The following CTNNA3 variants were observed in gnomAD, a reference collection of about 807,000 sequenced individuals.
CTNNA3 encodes the protein catenin alpha 3.
Under a neutral mutation model 95.7 loss-of-function variants are expected in CTNNA3, and 76 were observed. The ratio of observed to expected loss-of-function variants is 0.79; its 90% CI spans 0.66 to 0.96. The LOEUF (loss-of-function observed/expected upper bound fraction) is 0.96. Among genes scored for constraint, CTNNA3 ranks in the 40% least tolerant of loss-of-function variants. The pLI is 0.00. For missense variants in CTNNA3, 1,191 were observed against 1,089.8 expected (o/e 1.09, Z -1.31); for synonymous variants, 431 against 374.4 (o/e 1.15, Z -1.74).
intron 7 of CTNNA3, among the ~76,000 whole-genome samples, chr10:67,030,528 G>A (rs1289746237): frequency 6.6e-6 from 1 of 151,662 alleles, no homozygotes; most frequent in Non-Finnish European, 1.5e-5. Context: ...ATACTGAAGT[G>A]CCCCAAAGGA....
intron 7 of CTNNA3, among the ~76,000 whole-genome samples, chr10:66,923,040 C>A (rs1225857998): frequency 6.6e-6 from 1 of 152,136 alleles, no homozygotes; most frequent in Non-Finnish European, 1.5e-5. Context: ...CTAGCCAATA[C>A]TAGGTCTTAT....
chr10:67,579,448 T>A (rs1237691827), intron 3 of CTNNA3, among the ~76,000 whole-genome samples: 1 of 152,136 alleles, frequency 6.6e-6, no homozygotes, highest in Admixed American at 6.6e-5. Context: ...TAATCCAGTC[T>A]ATCATTGTTG....
chr10:66,306,335 C>T (rs1455703710), intron 12 of CTNNA3, among the ~76,000 whole-genome samples: 1 of 152,176 alleles, frequency 6.6e-6, no homozygotes. Context: ...TAAGGTCCTT[C>T]CCTGTTCTGA....
chr10:65,988,388 C>G (rs1315212800), intron 16 of CTNNA3, among the ~76,000 whole-genome samples: 3 of 151,824 alleles, frequency 2.0e-5, no homozygotes, highest in Admixed American at 2.0e-4. Context: ...AATGTATCAA[C>G]AACAACAAAA....
chr10:67,703,717 A>G (rs967084535), intron 1 of CTNNA3, among the ~76,000 whole-genome samples: 4 of 152,224 alleles, frequency 2.6e-5, no homozygotes, highest in Non-Finnish European at 5.9e-5. Context: ...AACTGGCACA[A>G]GACAGGGATG....
Position 67,509,974 on chromosome 10 carries a change from G to A in CTNNA3, c.579+11868C>T, listed in dbSNP as rs544185401. On this transcript the variant is annotated intron_variant, in intron 5 of 17. Coordinates refer to ENST00000433211, the MANE Select transcript of CTNNA3 (RefSeq NM_013266.4). ...TGAGCATTTTTTCATGTGTCTGTTG[G>A]CTGCATAAATGTCTTCTTTTGAAAA... 4.6e-5 allele frequency among the ~76,000 whole-genome samples: 7 copies of A among 152,296 alleles called. No homozygotes were observed. In the East Asian group the frequency reaches 1.3e-3, roughly 29 times the overall value.
intron 7 of CTNNA3, among the ~76,000 whole-genome samples, chr10:67,106,661 A>C (rs964026191): frequency 1.3e-5 from 2 of 152,186 alleles, no homozygotes; most frequent in Non-Finnish European, 2.9e-5. Flanking sequence ...ATAGCTATTA[A>C]ATTGTGCAGC....
intron 10 of CTNNA3, among the ~76,000 whole-genome samples, chr10:66,619,504 T>C (rs1483396176): frequency 9.9e-6 from 1 of 101,024 alleles, no homozygotes. Context: ...CAGGTGGGAA[T>C]TGAACAATGA....
intron 5 of CTNNA3, among the ~76,000 whole-genome samples, chr10:67,316,508 T>C (rs1841056890): frequency 6.6e-6 from 1 of 152,112 alleles, no homozygotes; most frequent in Non-Finnish European, 1.5e-5. Flanking sequence ...TCAAAATACA[T>C]GGAAGGGATC....
chr10:66,425,502 C>A (rs1264338423), intron 11 of CTNNA3, among the ~76,000 whole-genome samples: 1 of 151,782 alleles, frequency 6.6e-6, no homozygotes, highest in Non-Finnish European at 1.5e-5. Flanking sequence ...TAATTTCTGA[C>A]AGAGATTAAA....
intron 13 of CTNNA3, among the ~76,000 whole-genome samples, chr10:66,273,929 G>A (rs1466144891): frequency 6.6e-6 from 1 of 152,066 alleles, no homozygotes; most frequent in Non-Finnish European, 1.5e-5. Flanking sequence ...AGTCATTCTA[G>A]GTGGTCGTGT....
At chr10:67,745,607 A>G (rs796681215) in intron 1 of CTNNA3, among the ~76,000 whole-genome samples, 10 of 152,064 alleles carry the variant, frequency 6.6e-5, no homozygotes, top group African/African-American at 2.4e-4. Flanking sequence ...ACATATATAC[A>G]TATGTAACAA....
chr10:65,979,140 T>C (rs2078268379), intron 16 of CTNNA3, among the ~76,000 whole-genome samples: 1 of 152,284 alleles, frequency 6.6e-6, no homozygotes, highest in South Asian at 2.1e-4. Flanking sequence ...AGGCTGAAAT[T>C]GTCTTGAGTT....
chr10:67,282,622 G>A (rs1904614), intron 5 of CTNNA3, among the ~76,000 whole-genome samples: 104,832 of 152,062 alleles, frequency 0.69, 37,667 homozygotes, highest in African/African-American at 0.91. Flanking sequence ...AGCAATAAAC[G>A]CAGTTTTACA....
chr10:66,324,454 G>T (rs576216504), intron 12 of CTNNA3, among the ~76,000 whole-genome samples: 6 of 152,268 alleles, frequency 3.9e-5, no homozygotes, highest in Admixed American at 2.0e-4. Flanking sequence ...TTGCAAAAAG[G>T]CAGAGAGTCC....
intron 11 of CTNNA3, among the ~76,000 whole-genome samples, chr10:66,434,207 A>G (rs1228302143): frequency 3.9e-5 from 6 of 151,978 alleles, no homozygotes; most frequent in Non-Finnish European, 8.8e-5. Context: ...TAATGGGAAT[A>G]GCATTGAATC....
At chr10:67,599,817 T>C (rs1228791232) in intron 3 of CTNNA3, among the ~76,000 whole-genome samples, 1 of 152,180 alleles carries the variant, frequency 6.6e-6, no homozygotes, top group Non-Finnish European at 1.5e-5. Context: ...AATTGATCCA[T>C]AGATCTAATC....
chr10:66,243,791 A>T (rs2090198210), intron 13 of CTNNA3, among the ~76,000 whole-genome samples: 1 of 152,208 alleles, frequency 6.6e-6, no homozygotes, highest in South Asian at 2.1e-4. Context: ...TGAAGGGAAG[A>T]ACCCAGTAAC....
At chr10:66,338,699 T>C (rs2092422542) in intron 12 of CTNNA3, among the ~76,000 whole-genome samples, 2 of 151,800 alleles carry the variant, frequency 1.3e-5, no homozygotes. Flanking sequence ...GGGAGGCAGG[T>C]TGTTAACTGT....
Sources: allele counts gnomAD v4.1 joint callset (sites outside exome capture counted in the v4.1 genomes callset), GRCh38; gene constraint gnomAD v4.1.1; transcripts MANE v1.5; gene names NCBI Gene and HGNC (gene_info 2026-07-23, HGNC 2026-07-21).